Variants in NFIB observed in about 807,000 individuals in gnomAD.
NFIB encodes nuclear factor I B, also known as nuclear factor 1 B-type.
Under a neutral mutation model 61.5 loss-of-function variants are expected in NFIB, and 11 were observed. The observed-to-expected ratio is 0.18, with a 90% CI of 0.11 to 0.30. NFIB has a LOEUF of 0.30. NFIB is among the 10% of genes least tolerant of loss of function. The pLI is 1.00. For synonymous variants in NFIB, 260 were observed against 216.5 expected (o/e 1.20, Z -1.76); for missense variants, 471 against 608.9 (o/e 0.77, Z 2.38).
At position 14,237,763 on chromosome 9, in the gene NFIB, A is replaced by AGTGTGTGTGTGTGTGT. The variant is rs71321971; in HGVS notation, c.563-57999_563-57984dup. Among the ~76,000 whole-genome samples, 5 of 85,068 alleles carry AGTGTGTGTGTGTGTGT rather than the reference A, an allele frequency of 5.9e-5. 1 individual carries two copies. The highest frequency in any genetic ancestry group is 9.4e-4 in the East Asian group (2 of 2,132). The allele number at this position is 85,068 out of a possible 152,430, so 55.8% of individuals were successfully genotyped here. A position where few individuals can be genotyped will look rare whatever the true frequency, so the allele number is the denominator to read the frequency against. On this transcript the variant is annotated intron_variant, in intron 2 of 10. Coordinates refer to ENST00000380953, the MANE Select transcript of NFIB (RefSeq NM_001190737.2). ...AGCTCCTCACCCTGCTAGGTATAACAGTGTGTGTGTGTGTGTGTGTGTGTG... is the reference window on the plus strand; with the variant it reads ...AGCTCCTCACCCTGCTAGGTATAACAGTGTGTGTGTGTGTGTGTGTGTGTGTGTGTGTGTGTGTGTG...
intron 2 of NFIB, among the ~76,000 whole-genome samples, chr9:14,182,477 C>A (rs2046885804): frequency 6.6e-6 from 1 of 152,158 alleles, no homozygotes; most frequent in South Asian, 2.1e-4. Context: ...TTATATCGGT[C>A]ACTTAATTCC....
At chr9:14,400,791 C>T (rs953727838), upstream of NFIB, among the ~76,000 whole-genome samples, 1 of 152,166 alleles carries the variant, frequency 6.6e-6, no homozygotes, top group African/African-American at 2.4e-5. Context: ...CATCTGCTGG[C>T]CTTGCTAATG....
chr9:14,517,398 T>C, the NFIB span, among the ~76,000 whole-genome samples: 1 of 152,230 alleles, frequency 6.6e-6, no homozygotes, highest in Admixed American at 6.5e-5. Flanking sequence ...TGCTTATTCC[T>C]GCTACTTGGA....
the NFIB span, among the ~76,000 whole-genome samples, chr9:14,448,701 A>G: frequency 6.6e-6 from 1 of 152,228 alleles, no homozygotes; most frequent in African/African-American, 2.4e-5. Flanking sequence ...AGGGGCAAAT[A>G]AGAAATAGAG....
At chr9:14,212,637 GA>G (rs35209592) in intron 2 of NFIB, among the ~76,000 whole-genome samples, 3,646 of 145,472 alleles carry the variant, frequency 0.025, 38 homozygotes, top group Non-Finnish European at 0.031. Context: ...ATTCCTCTGG[GA>G]AAAAAAAAAA....
chr9:14,382,700 T>C (rs1445745391), intron 1 of NFIB, among the ~76,000 whole-genome samples: 1 of 152,148 alleles, frequency 6.6e-6, no homozygotes, highest in East Asian at 1.9e-4. Context: ...AGCCCCCAAA[T>C]GCAACCAACA....
the NFIB span, among the ~76,000 whole-genome samples, chr9:14,475,904 C>T: frequency 6.6e-6 from 1 of 152,144 alleles, no homozygotes; most frequent in Non-Finnish European, 1.5e-5. Flanking sequence ...GAAAGGAATT[C>T]AATTTGGTAG....
the NFIB span, among the ~76,000 whole-genome samples, chr9:14,439,020 C>T: frequency 6.6e-6 from 1 of 152,136 alleles, no homozygotes; most frequent in Non-Finnish European, 1.5e-5. Flanking sequence ...GCCCAGTTAG[C>T]ATTCTGGATT....
chr9:14,258,545 G>C (rs1050634169), intron 2 of NFIB, among the ~76,000 whole-genome samples: 1 of 152,202 alleles, frequency 6.6e-6, no homozygotes. Flanking sequence ...AATTCTTTCT[G>C]CTGCTGCCAA....
At chr9:14,531,854 C>T in the NFIB span, 2 of 152,064 alleles carry the variant, frequency 1.3e-5, no homozygotes, top group Non-Finnish European at 2.9e-5. Flanking sequence ...AACTTTATAA[C>T]ACGTGCATGG....
chr9:14,403,253 G>A (rs762238001), upstream of NFIB, among the ~76,000 whole-genome samples: 1 of 152,160 alleles, frequency 6.6e-6, no homozygotes, highest in Admixed American at 6.5e-5. Flanking sequence ...AGGCCAAGAT[G>A]AGCCATGTTC....
chr9:14,377,614 T>C (rs1280011250), intron 1 of NFIB, among the ~76,000 whole-genome samples: 1 of 152,212 alleles, frequency 6.6e-6, no homozygotes, highest in Non-Finnish European at 1.5e-5. Flanking sequence ...TACTGTATTT[T>C]TGAAAGACGG....
At chr9:14,134,405 G>C (rs1025633711) in intron 6 of NFIB, among the ~76,000 whole-genome samples, 42 of 152,256 alleles carry the variant, frequency 2.8e-4, no homozygotes, top group African/African-American at 9.6e-4. Context: ...CAGGCAGTAT[G>C]CTAGGGACTT....
intron 1 of NFIB, among the ~76,000 whole-genome samples, chr9:14,341,129 G>A (rs1401898591): frequency 6.6e-6 from 1 of 152,184 alleles, no homozygotes; most frequent in Non-Finnish European, 1.5e-5. Context: ...ACAGGGCTTT[G>A]GAAGGCTTCA....
At chr9:14,453,128 T>A in the NFIB span, among the ~76,000 whole-genome samples, 2 of 152,220 alleles carry the variant, frequency 1.3e-5, no homozygotes, top group Non-Finnish European at 1.5e-5. Flanking sequence ...GTTCAGGGTA[T>A]CTTTTGTGTA....
chr9:14,379,898 G>C (rs1289036975), intron 1 of NFIB, among the ~76,000 whole-genome samples: 1 of 151,922 alleles, frequency 6.6e-6, no homozygotes, highest in African/African-American at 2.4e-5. Flanking sequence ...GGCCAGGCTG[G>C]TCTCGAACTC....
chr9:14,151,426 T>C (rs996714959), intron 4 of NFIB, among the ~76,000 whole-genome samples: 15 of 152,164 alleles, frequency 9.9e-5, no homozygotes, highest in African/African-American at 1.4e-4. Flanking sequence ...GTCTCATATA[T>C]TGCCCTTAAT....
the NFIB span, among the ~76,000 whole-genome samples, chr9:14,449,008 G>T: frequency 1.3e-5 from 2 of 152,138 alleles, no homozygotes; most frequent in South Asian, 4.1e-4. Context: ...GTGAAGAAAA[G>T]GAAGTTGCTG....
At chr9:14,267,703 C>T (rs1043002872) in intron 2 of NFIB, among the ~76,000 whole-genome samples, 2 of 152,176 alleles carry the variant, frequency 1.3e-5, no homozygotes, top group African/African-American at 4.8e-5. Context: ...AGACAGTGAG[C>T]CCCCTGAGGG....
Sources: allele counts gnomAD v4.1 joint callset (sites outside exome capture counted in the v4.1 genomes callset), GRCh38; gene constraint gnomAD v4.1.1; transcripts MANE v1.5; gene names NCBI Gene and HGNC (gene_info 2026-07-23, HGNC 2026-07-21).